Variants in SGCZ observed in about 807,000 individuals in gnomAD.
SGCZ encodes sarcoglycan zeta.
SGCZ carries 40 observed loss-of-function variants against 41.3 expected under a neutral mutation model. The observed-to-expected ratio is 0.97, with a 90% CI of 0.75 to 1.26. SGCZ has a LOEUF of 1.26. SGCZ is among the 50% of genes most tolerant of loss of function. The probability of loss-of-function intolerance (pLI) is 0.00; values close to 1 mark genes in which losing one functional copy is unlikely to be tolerated. For missense variants in SGCZ, 552 were observed against 369.8 expected (o/e 1.49, Z -4.04); for synonymous variants, 206 against 137.5 (o/e 1.50, Z -3.49).
intron 1 of SGCZ, among the ~76,000 whole-genome samples, chr8:14,982,111 CT>C (rs1424899018): frequency 1.3e-5 from 2 of 151,360 alleles, no homozygotes; most frequent in African/African-American, 4.8e-5. Flanking sequence ...GATCACGCCA[CT>C]GTACTCCTGC....
chr8:14,663,924 A>G (rs1413666292), intron 1 of SGCZ, among the ~76,000 whole-genome samples: 5 of 152,254 alleles, frequency 3.3e-5, no homozygotes, highest in East Asian at 1.9e-4. Flanking sequence ...GAAGGATGGA[A>G]CAAGTTAGAG....
intron 5 of SGCZ, among the ~76,000 whole-genome samples, chr8:14,133,715 C>CTGAG (rs1290657045): frequency 6.6e-6 from 1 of 151,856 alleles, no homozygotes; most frequent in Non-Finnish European, 1.5e-5. Flanking sequence ...GACTCTTTTT[C>CTGAG]TGAGTTTTGA....
intron 1 of SGCZ, among the ~76,000 whole-genome samples, chr8:14,768,564 T>A (rs1381208814): frequency 6.6e-6 from 1 of 152,314 alleles, no homozygotes; most frequent in Non-Finnish European, 1.5e-5. Context: ...TAACTGAAAG[T>A]TAAAATTATG....
At position 14,674,928 on chromosome 8, in the gene SGCZ, G is replaced by GCTTTTTTTTTTTTTTTTTTTT. The variant is rs1554478141; in HGVS notation, c.40-120003_40-120002insAAAAAAAAAAAAAAAAAAAAG. On this transcript the variant is annotated intron_variant, in intron 1 of 7. Transcript: ENST00000382080. ...GCCAATTTAACCTCTTTTCTTTTCT[G>GCTTTTTTTTTTTTTTTTTTTT]TTTTTTTTTTTTTTTTTTTTTTTTT... 3.0e-3 allele frequency among the ~76,000 whole-genome samples: 212 copies of GCTTTTTTTTTTTTTTTTTTTT among 71,002 alleles called. 67 individuals carry two copies. The highest frequency in any genetic ancestry group is 9.1e-3 in the African/African-American group (180 of 19,698). The allele number at this position is 71,002 out of a possible 152,430, so 46.6% of individuals were successfully genotyped here.
chr8:15,211,092 G>C (rs1223465931), intron 1 of SGCZ, among the ~76,000 whole-genome samples: 1 of 150,354 alleles, frequency 6.7e-6, no homozygotes. Context: ...TATAGATATA[G>C]ATATATATAG....
intron 2 of SGCZ, among the ~76,000 whole-genome samples, chr8:14,521,482 T>C (rs1336180791): frequency 1.3e-5 from 2 of 152,050 alleles, no homozygotes; most frequent in Non-Finnish European, 2.9e-5. Context: ...GTTAAAAAAA[T>C]AGTTCATTCC....
intron 1 of SGCZ, among the ~76,000 whole-genome samples, chr8:14,599,910 C>T (rs1805532693): frequency 2.0e-5 from 3 of 152,116 alleles, no homozygotes; most frequent in Admixed American, 2.0e-4. Flanking sequence ...TATTTCTTCA[C>T]ATCACTTCAT....
At chr8:14,629,624 A>C (rs1806580138) in intron 1 of SGCZ, among the ~76,000 whole-genome samples, 1 of 152,086 alleles carries the variant, frequency 6.6e-6, no homozygotes, top group Non-Finnish European at 1.5e-5. Context: ...ATGCATGCAA[A>C]TGAAAGACCT....
At chr8:14,672,893 C>T (rs1478162682) in intron 1 of SGCZ, among the ~76,000 whole-genome samples, 1 of 152,096 alleles carries the variant, frequency 6.6e-6, no homozygotes, top group Non-Finnish European at 1.5e-5. Context: ...TTTAGCCTTT[C>T]TGGGTCACAT....
intron 2 of SGCZ, among the ~76,000 whole-genome samples, chr8:14,421,781 T>C (rs1392378630): frequency 1.3e-5 from 2 of 152,120 alleles, no homozygotes; most frequent in Non-Finnish European, 2.9e-5. Context: ...AAATAGGGCT[T>C]GATATATACT....
At chr8:14,451,186 G>A (rs899563159) in intron 2 of SGCZ, among the ~76,000 whole-genome samples, 4 of 152,084 alleles carry the variant, frequency 2.6e-5, no homozygotes, top group Non-Finnish European at 4.4e-5. Flanking sequence ...TCTGCTAACC[G>A]TAAACCATTT....
At chr8:15,004,768 G>C (rs560912359) in intron 1 of SGCZ, among the ~76,000 whole-genome samples, 7 of 152,174 alleles carry the variant, frequency 4.6e-5, no homozygotes, top group Non-Finnish European at 1.0e-4. Context: ...GAAGGAATAA[G>C]AGGTGGAAAA....
chr8:14,991,837 G>A (rs879758978), intron 1 of SGCZ, among the ~76,000 whole-genome samples: 3 of 118,484 alleles, frequency 2.5e-5, no homozygotes, highest in Admixed American at 1.8e-4. Flanking sequence ...TCATCTAATC[G>A]ACACACAAAT....
At chr8:14,965,186 T>A (rs943421089) in intron 1 of SGCZ, among the ~76,000 whole-genome samples, 2 of 152,130 alleles carry the variant, frequency 1.3e-5, no homozygotes, top group Admixed American at 1.3e-4. Flanking sequence ...CTCAAAAAGC[T>A]AGTTGACATC....
chr8:14,273,103 C>A (rs951583348), intron 3 of SGCZ, among the ~76,000 whole-genome samples: 11 of 151,716 alleles, frequency 7.3e-5, no homozygotes, highest in Non-Finnish European at 1.6e-4. Context: ...ATTTTGATCA[C>A]CTAAGTGTCA....
chr8:14,156,718 A>G (rs769175927), intron 5 of SGCZ, among the ~76,000 whole-genome samples: 24 of 152,092 alleles, frequency 1.6e-4, no homozygotes, highest in Non-Finnish European at 1.6e-4. Flanking sequence ...AGTTTTTCTA[A>G]AAAACATTTT....
At chr8:14,391,147 C>A (rs1275576165) in intron 2 of SGCZ, among the ~76,000 whole-genome samples, 1 of 152,040 alleles carries the variant, frequency 6.6e-6, no homozygotes, top group Non-Finnish European at 1.5e-5. Context: ...TAGGGGTGAT[C>A]TGAAAATGGA....
At chr8:14,764,491 C>A (rs187770668) in intron 1 of SGCZ, among the ~76,000 whole-genome samples, 3 of 152,244 alleles carry the variant, frequency 2.0e-5, no homozygotes, top group Admixed American at 1.3e-4. Context: ...AAGTGTAAAC[C>A]ATCACCTACA....
In SGCZ at chr8:14,123,423, T is replaced by A. The variant is rs555449443; in HGVS notation, c.548-15188A>T. ...AATTTGTGGGTAAATGGGAAAATGA[T>A]CCTATAAATGATTACTATACTTAAT... is the stretch of plus-strand genomic sequence containing the variant. On this transcript the variant is annotated intron_variant, in intron 5 of 7. Transcript: ENST00000382080. 4.3e-4 allele frequency among the ~76,000 whole-genome samples: 65 copies of A among 152,284 alleles called. 1 individual carries two copies. The highest frequency in any genetic ancestry group is 3.4e-3 in the Middle Eastern group (1 of 294).
Sources: allele counts gnomAD v4.1 joint callset (sites outside exome capture counted in the v4.1 genomes callset), GRCh38; gene constraint gnomAD v4.1.1; transcripts MANE v1.5; gene names NCBI Gene and HGNC (gene_info 2026-07-23, HGNC 2026-07-21).